Variants in QSOX1 observed in about 807,000 individuals in gnomAD.
QSOX1 encodes quiescin sulfhydryl oxidase 1.
A neutral mutation model predicts 76.1 loss-of-function variants in QSOX1; 40 were observed. The ratio of observed to expected loss-of-function variants is 0.53; its 90% CI spans 0.41 to 0.68. QSOX1 has a LOEUF of 0.68. Ranked by LOEUF, QSOX1 falls within the 30% of genes least tolerant of loss-of-function variation. The pLI is 0.00. For synonymous variants in QSOX1, 392 were observed against 413.1 expected (o/e 0.95, Z 0.62); for missense variants, 931 against 974.3 (o/e 0.96, Z 0.59).
intron 4 of QSOX1, among the ~76,000 whole-genome samples, chr1:180,177,250 CTTTTTTTTTTT>C (rs34390948): frequency 8.9e-6 from 1 of 112,900 alleles, no homozygotes; most frequent in Admixed American, 8.9e-5. Context: ...CAAAGTGATC[CTTTTTTTTTTT>C]TTTTTTTGGA....
At chr1:180,188,872 G>A (rs1204372115) in intron 8 of QSOX1, among the ~76,000 whole-genome samples, 1 of 151,676 alleles carries the variant, frequency 6.6e-6, no homozygotes, top group African/African-American at 2.4e-5. Flanking sequence ...GTGCACACAC[G>A]CACACACACA....
At chr1:180,184,092 TG>T (rs1663109358) in intron 7 of QSOX1, 42 bp downstream of exon 7, 1 of 1,605,974 alleles carries the variant, frequency 6.2e-7, no homozygotes, top group Non-Finnish European at 8.5e-7. Context: ...CTCCTTCCTC[TG>T]ATCACAGACC....
In QSOX1 at chr1:180,198,252, G is replaced by T. The variant is rs1224006592; in HGVS notation, c.*1215G>T. 1 of 456,678 alleles carries T rather than the reference G, an allele frequency of 2.2e-6. No homozygotes were observed. The highest frequency in any genetic ancestry group is 2.3e-5 in the Admixed American group (1 of 42,578). 28.3% of individuals were successfully genotyped at this position (456,678 alleles called of 1,614,324 possible). On this transcript the variant is annotated 3_prime_UTR_variant, in exon 12 of 12. Coordinates refer to ENST00000367602, the MANE Select transcript of QSOX1 (RefSeq NM_002826.5). ...TGGATGTGCAGCCTTGCCACCCCCTGCCCCAATCCTCCCTGAGAGCTCCTG... is the reference window on the plus strand; with the variant it reads ...TGGATGTGCAGCCTTGCCACCCCCTTCCCCAATCCTCCCTGAGAGCTCCTG...
chr1:180,168,875 C>A (rs12082209), intron 2 of QSOX1, among the ~76,000 whole-genome samples: 4,286 of 152,296 alleles, frequency 0.028, 111 homozygotes, highest in East Asian at 0.063. Context: ...TGCCTGCTGC[C>A]CTCTGGGGGC....
intron 1 of QSOX1, among the ~76,000 whole-genome samples, chr1:180,161,906 A>C (rs1330554597): frequency 6.6e-6 from 1 of 152,230 alleles, no homozygotes; most frequent in Non-Finnish European, 1.5e-5. Flanking sequence ...AATGGTACTT[A>C]TCAGAGACGT....
At position 180,194,402 on chromosome 1, in the gene QSOX1, G is replaced by C; in HGVS notation, c.1468+10G>C. Reference sequence around the variant, plus strand: ...AATGCTCGCCTTGCAGGTAAGGAAGGACCATCCCCAAGGCTGGAGTCACTT... The same window carrying C: ...AATGCTCGCCTTGCAGGTAAGGAAGCACCATCCCCAAGGCTGGAGTCACTT... On this transcript the variant is annotated intron_variant, in intron 11 of 11. Coordinates refer to ENST00000367602, the MANE Select transcript of QSOX1 (RefSeq NM_002826.5). The C allele has an allele frequency of 6.5e-7, 1 of 1,528,530 alleles. No homozygotes were observed. The highest frequency in any genetic ancestry group is 8.8e-7 in the Non-Finnish European group (1 of 1,130,294). The allele number at this position is 1,528,530 out of a possible 1,614,324, so 94.7% of individuals were successfully genotyped here.
Position 180,196,205 on chromosome 1 carries a change from C to A in QSOX1, c.1469-57C>A. 6.5e-7 allele frequency: 1 copy of A among 1,549,582 alleles called. No homozygotes were observed. Among genetic ancestry groups the A allele is most frequent in the South Asian group, 1.2e-5 (1 of 81,142 alleles). The stretch of plus-strand genomic sequence containing the variant: ...GGCGTTCTGAGTGGAGGAGTGTGGT[C>A]TGGGTTTTTGGGTGGGACTGATGTC... On this transcript the variant is annotated intron_variant, in intron 11 of 11. Coordinates refer to ENST00000367602, the MANE Select transcript of QSOX1 (RefSeq NM_002826.5). The surrounding 1 kb of genome is among the most constrained non-coding windows in gnomAD (Gnocchi z 4.1).
Position 180,186,161 on chromosome 1 carries a change from G to T in QSOX1, c.996G>T (p.Lys332Asn). Reference sequence around the variant, plus strand: ...GGCAGCGCCTGGTGGCCCTGAAAAAGTTTGTGGCAGTGCTGGCCAAGGTGA... The same window carrying T: ...GGCAGCGCCTGGTGGCCCTGAAAAATTTTGTGGCAGTGCTGGCCAAGGTGA... ...LEGQRLVALK[K>N]FVAVLAKYFP... Residue 332 changes from lysine (K) to asparagine (N), a missense_variant, in exon 8 of 12, where the codon AAG (lysine) becomes AAT (asparagine). Physicochemically the swap from Lys to Asn is moderately conservative, Grantham distance 94 (BLOSUM62 0). Coordinates refer to ENST00000367602, the MANE Select transcript of QSOX1 (RefSeq NM_002826.5). The T allele has an allele frequency of 1.9e-6, 3 of 1,613,716 alleles. No individual in the cohort carries two copies. The highest frequency in any genetic ancestry group is 2.5e-6 in the Non-Finnish European group (3 of 1,179,858).
chr1:180,163,345 C>T (rs1211250304), intron 1 of QSOX1, among the ~76,000 whole-genome samples: 4 of 152,080 alleles, frequency 2.6e-5, no homozygotes, highest in Admixed American at 1.3e-4. Context: ...CTTTATAAAC[C>T]GTGCCATACT....
rs759968711 is a variant in QSOX1, at chr1:180,189,570, T to G, written c.1036T>G (p.Leu346Val). Residue 346 changes from leucine to valine, a missense_variant, in exon 9 of 12, where the codon TTA becomes GTA. Leu to Val is a conservative substitution (Grantham distance 32). Transcript: ENST00000367602. ...VLAKYFPGRP[L>V]VQNFLHSVNE... ...CCCACAGTATTTCCCTGGCCGGCCC[T>G]TAGTCCAGAACTTCCTGCACTCCGT... 1.2e-6 allele frequency: 2 copies of G among 1,610,092 alleles called. No individual in the cohort carries two copies. Among genetic ancestry groups the G allele is most frequent in the Non-Finnish European group, 1.7e-6 (2 of 1,177,410 alleles).
rs1663489516 is a variant in QSOX1 at position 180,196,427 on chromosome 1, C to G, written c.1634C>G (p.Pro545Arg). 1.2e-6 allele frequency: 2 copies of G among 1,614,094 alleles called. No homozygotes were observed. The highest frequency in any genetic ancestry group is 1.7e-6 in the Non-Finnish European group (2 of 1,180,046). The change falls in exon 12 of 12, where the codon CCT becomes CGT. Residue 545 changes from proline (P) to arginine (R), a missense_variant. Pro to Arg is a moderately radical substitution (Grantham distance 103). Coordinates refer to ENST00000367602, the MANE Select transcript of QSOX1 (RefSeq NM_002826.5). This position sits in a 1 kb window ranked among gnomAD's most constrained non-coding sequence, Gnocchi z 4.1. ...CCAAGCAACATCATCCTGGACTTCC[C>G]TGCAGCTGGGTCAGCTGCCCGGAGG... ...FSPSNIILDF[P>R]AAGSAARRDV... is the part of the protein sequence containing the mutation.
In QSOX1 at chr1:180,155,085, G is replaced by A. The variant is rs1342152030; in HGVS notation, c.178G>A (p.Ala60Thr). The A allele has an allele frequency of 3.9e-6, 6 of 1,521,676 alleles. No homozygotes were observed. In the African/African-American group the frequency reaches 4.3e-5, roughly 11 times the overall value. The allele number at this position is 1,521,676 out of a possible 1,614,324, so 94.3% of individuals were successfully genotyped here. The change falls in exon 1 of 12, where the codon GCC becomes ACC. Residue 60 changes from alanine (A) to threonine (T), a missense_variant. Coordinates refer to ENST00000367602, the MANE Select transcript of QSOX1 (RefSeq NM_002826.5). ...VRGAVLGSRS[A>T]WAVEFFASWC... The stretch of plus-strand genomic sequence containing the variant: ...CGGCGCGGTGCTGGGCTCCCGCAGC[G>A]CCTGGGCCGTGGAGTTCTTCGCCTC...
intron 2 of QSOX1, among the ~76,000 whole-genome samples, chr1:180,172,648 T>G (rs1211034825): frequency 6.6e-6 from 1 of 152,080 alleles, no homozygotes; most frequent in Non-Finnish European, 1.5e-5. Context: ...GTCTCCTGAG[T>G]AGTTGGGATA....
At position 180,166,483 on chromosome 1, in the gene QSOX1, C is replaced by G; in HGVS notation, c.266-8C>G. On this transcript the variant is annotated splice_polypyrimidine_tract_variant and splice_region_variant and intron_variant, in intron 1 of 11. Coordinates refer to ENST00000367602, the MANE Select transcript of QSOX1 (RefSeq NM_002826.5). ...TCTTATTTACCCCTGGGTTTTTTGT[C>G]CTTTCAGCCTGGAGGCCGGCCCTGT... 1 of 1,613,294 alleles carries G rather than the reference C, an allele frequency of 6.2e-7. No individual in the cohort carries two copies. Among genetic ancestry groups the G allele is most frequent in the Non-Finnish European group, 8.5e-7 (1 of 1,179,576 alleles).
intron 1 of QSOX1, among the ~76,000 whole-genome samples, chr1:180,165,886 G>A (rs2149231448): frequency 6.6e-6 from 1 of 152,352 alleles, no homozygotes; most frequent in East Asian, 1.9e-4. Flanking sequence ...CCTGATGCAG[G>A]GGCCAGACTC....
At chr1:180,193,383 A>G (rs372520900) in intron 10 of QSOX1, among the ~76,000 whole-genome samples, 2 of 151,080 alleles carry the variant, frequency 1.3e-5, no homozygotes, top group East Asian at 3.9e-4. Context: ...AAGGCAGAGG[A>G]GAGAGAGAGA....
At chr1:180,167,048 G>A (rs60030177) in intron 2 of QSOX1, among the ~76,000 whole-genome samples, 35 of 152,350 alleles carry the variant, frequency 2.3e-4, no homozygotes, top group African/African-American at 8.4e-4. Flanking sequence ...CACACCCAAG[G>A]CATGAGGGCT....
At position 180,190,588 on chromosome 1, in the gene QSOX1, C is replaced by G; in HGVS notation, c.1288+8C>G. 1.2e-6 allele frequency: 2 copies of G among 1,609,972 alleles called. No homozygotes were observed. Among genetic ancestry groups the G allele is most frequent in the Non-Finnish European group, 1.7e-6 (2 of 1,176,974 alleles). On this transcript the variant is annotated splice_region_variant and intron_variant, in intron 10 of 11. Coordinates refer to ENST00000367602, the MANE Select transcript of QSOX1 (RefSeq NM_002826.5). The stretch of plus-strand genomic sequence containing the variant: ...ACCACTCACAGGAAGCAGGTACGTC[C>G]AGGACCCGTTCACCCCACTGTGCCT...
In QSOX1 at chr1:180,189,541, C is replaced by A; in HGVS notation, c.1018-11C>A. 1 of 1,530,318 alleles carries A rather than the reference C, an allele frequency of 6.5e-7. No homozygotes were observed. The highest frequency in any genetic ancestry group is 1.1e-5 in the South Asian group (1 of 89,658). The allele number at this position is 1,530,318 out of a possible 1,614,324, so 94.8% of individuals were successfully genotyped here. A position where few individuals can be genotyped will look rare whatever the true frequency, so the allele number is the denominator to read the frequency against. On this transcript the variant is annotated splice_polypyrimidine_tract_variant and intron_variant, in intron 8 of 11. Coordinates refer to ENST00000367602, the MANE Select transcript of QSOX1 (RefSeq NM_002826.5). Reference sequence around the variant, plus strand: ...TTTCACTCTCCAGCTTCCGCTTGTTCCTCCCCACAGTATTTCCCTGGCCGG... The same window carrying A: ...TTTCACTCTCCAGCTTCCGCTTGTTACTCCCCACAGTATTTCCCTGGCCGG...
Sources: allele counts gnomAD v4.1 joint callset (sites outside exome capture counted in the v4.1 genomes callset), GRCh38; gene constraint gnomAD v4.1.1; non-coding constraint Gnocchi (gnomAD v3.1); transcripts MANE v1.5; gene names NCBI Gene and HGNC (gene_info 2026-07-23, HGNC 2026-07-21).